The following SIRPA variants were observed in gnomAD, a reference collection of about 807,000 sequenced individuals.
The protein encoded by SIRPA is tyrosine-protein phosphatase non-receptor type substrate 1.
SIRPA carries 9 observed loss-of-function variants against 50.3 expected under a neutral mutation model. That is an observed-to-expected ratio of 0.18 (90% CI 0.11 to 0.31). SIRPA has a LOEUF of 0.31. Among genes scored for constraint, SIRPA ranks in the 10% least tolerant of loss-of-function variants. SIRPA has a pLI of 1.00. For synonymous variants in SIRPA, 265 were observed against 284.1 expected (o/e 0.93, Z 0.68); for missense variants, 474 against 661.6 (o/e 0.72, Z 3.11).
Position 1,937,239 on chromosome 20 carries a change from T to C in SIRPA, c.1267-81T>C. 6.6e-7 allele frequency: 1 copy of C among 1,509,888 alleles called. No individual in the cohort carries two copies. The highest frequency in any genetic ancestry group is 9.0e-7 in the Non-Finnish European group (1 of 1,108,970). The allele number at this position is 1,509,888 out of a possible 1,614,324, so 93.5% of individuals were successfully genotyped here. A position where few individuals can be genotyped will look rare whatever the true frequency, so the allele number is the denominator to read the frequency against. On this transcript the variant is annotated intron_variant, in intron 7 of 7. Coordinates refer to ENST00000358771, the MANE Select transcript of SIRPA (RefSeq NM_001040023.2). The surrounding 1 kb of genome is among the most constrained non-coding windows in gnomAD (Gnocchi z 8.3). Reference sequence around the variant, plus strand: ...CGAGAGGACACAGAAGCATCCAGACTTGGTATTCAGTTTGAGTGAGTGGGC... The same window carrying C: ...CGAGAGGACACAGAAGCATCCAGACCTGGTATTCAGTTTGAGTGAGTGGGC...
chr20:1,899,517 C>T (rs932185038), intron 1 of SIRPA, among the ~76,000 whole-genome samples: 3 of 152,212 alleles, frequency 2.0e-5, no homozygotes, highest in African/African-American at 4.8e-5. Context: ...GTTTGGTAAA[C>T]GGTTTTCTAC....
intron 1 of SIRPA, among the ~76,000 whole-genome samples, chr20:1,902,256 C>T (rs1984261354): frequency 1.3e-5 from 2 of 152,018 alleles, no homozygotes; most frequent in African/African-American, 4.8e-5. Flanking sequence ...TCTCCACATC[C>T]CTTCATGTGA....
At chr20:1,922,030 TAC>T (rs1985689969) in intron 3 of SIRPA, among the ~76,000 whole-genome samples, 1 of 152,234 alleles carries the variant, frequency 6.6e-6, no homozygotes, top group South Asian at 2.1e-4. Context: ...TTTATTTTGC[TAC>T]AGTTACAACA....
chr20:1,916,827 C>T (rs1985331491), intron 2 of SIRPA, among the ~76,000 whole-genome samples: 1 of 152,204 alleles, frequency 6.6e-6, no homozygotes, highest in African/African-American at 2.4e-5. Context: ...GGGAGACGCC[C>T]ACTGCAAGTG....
intron 1 of SIRPA, among the ~76,000 whole-genome samples, chr20:1,900,132 C>T (rs1383950744): frequency 1.4e-5 from 2 of 140,372 alleles, no homozygotes; most frequent in Non-Finnish European, 3.0e-5. Context: ...TGGAGTTTCA[C>T]TCTTGTTGCC....
chr20:1,926,172 T>C (rs937893866), intron 5 of SIRPA, among the ~76,000 whole-genome samples: 7 of 152,206 alleles, frequency 4.6e-5, no homozygotes, highest in East Asian at 1.9e-4. Flanking sequence ...AGCCTGATGC[T>C]TCTGTCTGGG....
At position 1,934,912 on chromosome 20, in the gene SIRPA, C is replaced by T; in HGVS notation, c.1266+158C>T. On this transcript the variant is annotated intron_variant, in intron 7 of 7. Coordinates refer to ENST00000358771, the MANE Select transcript of SIRPA (RefSeq NM_001040023.2). The surrounding 1 kb of genome is among the most constrained non-coding windows in gnomAD (Gnocchi z 4.6). ...CTTTCCCCATGTCCTGTGCATATTC[C>T]TTCTCTCTACTGCAGCCAAGAGTGG... 1.3e-6 allele frequency: 1 copy of T among 769,730 alleles called. No individual in the cohort carries two copies. Among genetic ancestry groups the T allele is most frequent in the Non-Finnish European group, 2.1e-6 (1 of 467,036 alleles). The allele number at this position is 769,730 out of a possible 1,614,324, so 47.7% of individuals were successfully genotyped here.
rs556506932 is a variant in SIRPA at position 1,903,614 on chromosome 20, C to T, written c.79+8088C>T. On this transcript the variant is annotated intron_variant, in intron 1 of 7. Coordinates refer to ENST00000358771, the MANE Select transcript of SIRPA (RefSeq NM_001040023.2). ...CTTCATCCTCACCTCTTACCACTCT[C>T]CTGCCTCCTTGGGCTTCAGCCTTGG... Among the ~76,000 whole-genome samples, 4 of 152,356 alleles carry T rather than the reference C, an allele frequency of 2.6e-5. No homozygotes were observed. The South Asian group carries it at 8.3e-4, about 32-fold the overall frequency.
At chr20:1,929,354 G>T (rs1397590226) in intron 6 of SIRPA, among the ~76,000 whole-genome samples, 1 of 152,054 alleles carries the variant, frequency 6.6e-6, no homozygotes, top group African/African-American at 2.4e-5. Flanking sequence ...TCAGATTCTG[G>T]ATATATTTTG....
rs978229994 is a variant in SIRPA, at chr20:1,937,060, C to A, written c.1267-260C>A. Among the ~76,000 whole-genome samples the A allele has an allele frequency of 6.6e-6, 1 of 152,092 alleles. No homozygotes were observed. The highest frequency in any genetic ancestry group is 1.5e-5 in the Non-Finnish European group (1 of 68,018). ...GAGGCAGGAACGGGAGGAGGTGACACTGAGGCGGGGCTGTGAGGAGACTGC... is the reference window on the plus strand; with the variant it reads ...GAGGCAGGAACGGGAGGAGGTGACAATGAGGCGGGGCTGTGAGGAGACTGC... On this transcript the variant is annotated intron_variant, in intron 7 of 7. Coordinates refer to ENST00000358771, the MANE Select transcript of SIRPA (RefSeq NM_001040023.2). The surrounding 1 kb of genome is among the most constrained non-coding windows in gnomAD (Gnocchi z 8.3).
In SIRPA at chr20:1,927,921, AC is replaced by A. The variant is rs1448278527; in HGVS notation, c.1226+25del. 4 of 1,608,558 alleles carry A rather than the reference AC, an allele frequency of 2.5e-6. No homozygotes were observed. The East Asian group carries it at 6.7e-5, about 27-fold the overall frequency. ...CAAGGTAAGTGCATCATTGGTCCAG[AC>A]CCTCTTGCAGTTATTATTTGGTTAT... On this transcript the variant is annotated intron_variant, in intron 6 of 7. Transcript: ENST00000358771. This position sits in a 1 kb window ranked among gnomAD's most constrained non-coding sequence, Gnocchi z 6.5.
intron 5 of SIRPA, 138 bp downstream of exon 5, chr20:1,925,015 G>A (rs1223819459): frequency 2.9e-6 from 2 of 686,992 alleles, no homozygotes; most frequent in Non-Finnish European, 5.2e-6. Context: ...GCTAGGGCTG[G>A]GGCAGTGGCC....
In SIRPA at chr20:1,927,523, C is replaced by T. The variant is rs1227159658; in HGVS notation, c.1202-352C>T. Among the ~76,000 whole-genome samples, 1 of 152,186 alleles carries T rather than the reference C, an allele frequency of 6.6e-6. No individual in the cohort carries two copies. Among genetic ancestry groups the T allele is most frequent in the Non-Finnish European group, 1.5e-5 (1 of 68,038 alleles). ...ATCTGTTTTCAAGCCACGAAGGGCA[C>T]TGATTGGGACCTAGGCTTGTTGGAG... On this transcript the variant is annotated intron_variant, in intron 5 of 7. Transcript: ENST00000358771. The surrounding 1 kb of genome is among the most constrained non-coding windows in gnomAD (Gnocchi z 6.5).
intron 4 of SIRPA, among the ~76,000 whole-genome samples, chr20:1,923,039 C>G (rs534688680): frequency 5.1e-4 from 77 of 152,244 alleles, no homozygotes; most frequent in African/African-American, 1.3e-3. Context: ...GGAGCCTGCC[C>G]CACTGGAAGC....
In SIRPA at chr20:1,921,521, G is replaced by T. The variant is rs200439865; in HGVS notation, c.563G>T (p.Gly188Val). Residue 188 changes from glycine (G) to valine (V), a missense_variant, in exon 3 of 8, where the codon GGG becomes GTG. Coordinates refer to ENST00000358771, the MANE Select transcript of SIRPA (RefSeq NM_001040023.2). The part of the protein sequence containing the change: ...RDITLKWFKN[G>V]NELSDFQTNV... ...ATCACCCTGAAATGGTTCAAAAATG[G>T]GAATGAGCTCTCAGACTTCCAGACC... 171 of 1,614,116 alleles carry T rather than the reference G, an allele frequency of 1.1e-4. 2 individuals carry two copies. The East Asian group carries it at 3.8e-3, about 36-fold the overall frequency.
chr20:1,920,796 A>G (rs1169972713), intron 2 of SIRPA, among the ~76,000 whole-genome samples: 1 of 152,212 alleles, frequency 6.6e-6, no homozygotes, highest in Non-Finnish European at 1.5e-5. Context: ...GTTTTTGCTT[A>G]TTTTTGTGAA....
At chr20:1,912,021 G>A (rs1054204774) in intron 1 of SIRPA, among the ~76,000 whole-genome samples, 3 of 151,592 alleles carry the variant, frequency 2.0e-5, no homozygotes, top group Non-Finnish European at 2.9e-5. Context: ...TGGCACTTAC[G>A]TCGCACTTTT....
chr20:1,927,875 C>T lies in SIRPA; in HGVS notation c.1202C>T (p.Ala401Val), dbSNP rs763605516. 1 of 1,613,822 alleles carries T rather than the reference C, an allele frequency of 6.2e-7. No individual in the cohort carries two copies. Among genetic ancestry groups the T allele is most frequent in the South Asian group, 1.1e-5 (1 of 91,082 alleles). ...LYLVRIRQKK[A>V]QGSTSSTRLH... ...GGCTTTTGTTTCTTTTGTCTTTCAG[C>T]CCAGGGCTCCACTTCTTCTACAAGG... The change falls in exon 6 of 8, where the codon GCC becomes GTC. Residue 401 changes from alanine (A) to valine (V), a missense_variant and splice_region_variant. By Grantham distance (64) the Ala-to-Val change is moderately conservative. This residue lies in a region of SIRPA where 180 missense variants were observed against 206.7 expected (regional missense o/e 0.87). Coordinates refer to ENST00000358771, the MANE Select transcript of SIRPA (RefSeq NM_001040023.2). This position sits in a 1 kb window ranked among gnomAD's most constrained non-coding sequence, Gnocchi z 6.5.
Position 1,937,627 on chromosome 20 carries a change from C to T in SIRPA, c.*59C>T, listed in dbSNP as rs1233854521. ...ACGCGCTTTCTTGTCCCACAGGGAG[C>T]CGCCGTGATGAGCACAGCCAACCCA... On this transcript the variant is annotated 3_prime_UTR_variant, in exon 8 of 8. Coordinates refer to ENST00000358771, the MANE Select transcript of SIRPA (RefSeq NM_001040023.2). The surrounding 1 kb of genome is among the most constrained non-coding windows in gnomAD (Gnocchi z 8.3). The T allele has an allele frequency of 1.3e-5, 20 of 1,582,496 alleles. No homozygotes were observed. The highest frequency in any genetic ancestry group is 1.6e-5 in the Non-Finnish European group (19 of 1,162,110).
Sources: allele counts gnomAD v4.1 joint callset (sites outside exome capture counted in the v4.1 genomes callset), GRCh38; gene constraint gnomAD v4.1.1; regional missense constraint gnomAD v4.1.1; non-coding constraint Gnocchi (gnomAD v3.1); transcripts MANE v1.5; gene names NCBI Gene and HGNC (gene_info 2026-07-23, HGNC 2026-07-21).